BAIAP2: variants seen among roughly 807,000 people sequenced by gnomAD.
The protein encoded by BAIAP2 is BAR/IMD domain containing adaptor protein 2.
Under a neutral mutation model 63.0 loss-of-function variants are expected in BAIAP2, and 18 were observed. The ratio of observed to expected loss-of-function variants is 0.29; its 90% CI spans 0.20 to 0.42. The LOEUF is 0.42. BAIAP2 is among the 10% of genes least tolerant of loss of function. BAIAP2 has a pLI of 1.00. For synonymous variants in BAIAP2, 386 were observed against 307.6 expected, an observed-to-expected ratio of 1.25 and a Z score of -2.67; for missense variants, 610 against 734.3, an observed-to-expected ratio of 0.83 and a Z score of 1.96.
chr17:81,042,823 T>C (rs1012673012), intron 1 of BAIAP2, among the ~76,000 whole-genome samples: 6 of 152,154 alleles, frequency 3.9e-5, no homozygotes, highest in Non-Finnish European at 7.4e-5. Context: ...TCTGGGTGGA[T>C]GCTGCTAGTG....
At chr17:81,115,385 CTG>C (rs976206959) in intron 13 of BAIAP2, among the ~76,000 whole-genome samples, 13 of 152,210 alleles carry the variant, frequency 8.5e-5, no homozygotes, top group Non-Finnish European at 1.9e-4. Context: ...AGCCACCAAA[CTG>C]GTGTGTGCCC....
At chr17:81,101,932 G>C (rs1007129962) in intron 7 of BAIAP2, among the ~76,000 whole-genome samples, 1 of 152,248 alleles carries the variant, frequency 6.6e-6, no homozygotes, top group African/African-American at 2.4e-5. Context: ...GGGCGTCTGC[G>C]CCCTCTGGCG....
Position 81,103,687 on chromosome 17 carries a change from C to G in BAIAP2, c.828C>G (p.Pro276=). The change falls in exon 8 of 14, where the codon CCC becomes CCG. Residue 276 remains proline, a synonymous_variant. Transcript: ENST00000428708. ...VISDPIPGAK[P]LPVPPELAPF... ...CCGACCCCATTCCGGGGGCCAAGCC[C>G]CTGCCGGTGCCCCCCGAGCTGGCAC... The G allele has an allele frequency of 6.3e-7, 1 of 1,594,488 alleles. No homozygotes were observed. The highest frequency in any genetic ancestry group is 1.1e-5 in the South Asian group (1 of 90,494).
Position 81,100,044 on chromosome 17 carries a change from C to T in BAIAP2, c.606C>T (p.Cys202=), listed in dbSNP as rs752620110. The change falls in exon 7 of 14, where the codon TGC becomes TGT. Residue 202 remains cysteine, a synonymous_variant. Coordinates refer to ENST00000428708, the MANE Select transcript of BAIAP2 (RefSeq NM_001144888.2). ...RRFCFLVEKQ[C]AVAKNSAAYH... ...TCTGCTTCCTGGTGGAGAAGCAGTG[C>T]GCCGTGGCCAAGAACTCCGCGGCCT... The T allele has an allele frequency of 3.1e-6, 5 of 1,612,328 alleles. No homozygotes were observed. The highest frequency in any genetic ancestry group is 1.7e-5 in the Admixed American group (1 of 60,012).
At chr17:81,070,395 G>C (rs2052378797) in intron 3 of BAIAP2, among the ~76,000 whole-genome samples, 1 of 152,200 alleles carries the variant, frequency 6.6e-6, no homozygotes, top group African/African-American at 2.4e-5. Flanking sequence ...TGCTCTGCCG[G>C]GCAACCTTGG....
Position 81,058,046 on chromosome 17 carries a change from C to T in BAIAP2, c.217+79C>T, listed in dbSNP as rs374627210. On this transcript the variant is annotated intron_variant, in intron 3 of 13. Transcript: ENST00000428708. ...TCTGGGGCCCTGTCCTGTGTCCAGC[C>T]GCTTTTTGATTTGGGATCAGGTTTT... The T allele has an allele frequency of 2.3e-5, 27 of 1,150,306 alleles. No individual in the cohort carries two copies. The East Asian group carries it at 3.9e-4, about 17-fold the overall frequency. 71.3% of individuals were successfully genotyped at this position (1,150,306 alleles called of 1,614,324 possible).
rs1282908730 is a variant in BAIAP2, at chr17:81,046,765, G to A, written c.55-6903G>A. Reference sequence around the variant, plus strand: ...CTGTACATGTGGCCGGGGGTTTCCAGGCTTGGCTCTGTCCCGTGCGCCCTT... The same window carrying A: ...CTGTACATGTGGCCGGGGGTTTCCAAGCTTGGCTCTGTCCCGTGCGCCCTT... On this transcript the variant is annotated intron_variant, in intron 1 of 13. Transcript: ENST00000428708. The surrounding 1 kb of genome is among the most constrained non-coding windows in gnomAD (Gnocchi z 4.5). 6.6e-6 allele frequency among the ~76,000 whole-genome samples: 1 copy of A among 152,064 alleles called. No individual in the cohort carries two copies. The highest frequency in any genetic ancestry group is 1.5e-5 in the Non-Finnish European group (1 of 67,988).
intron 1 of BAIAP2, among the ~76,000 whole-genome samples, chr17:81,041,045 G>T (rs536518690): frequency 6.6e-6 from 1 of 152,228 alleles, no homozygotes; most frequent in Non-Finnish European, 1.5e-5. Flanking sequence ...GCACAGTGGC[G>T]CCCCCAGCAC....
rs756700120 is a variant in BAIAP2 at position 81,104,648 on chromosome 17, C to T, written c.1201C>T (p.Leu401Phe). The stretch of plus-strand genomic sequence containing the variant: ...CCTCCTGAGCTTCAAGGAGGGTGAC[C>T]TCATTACCCTGCTGGTGCCTGAGGC... ...STLLSFKEGDLITLLVPEARD... is the reference protein window; with the variant it reads ...STLLSFKEGDFITLLVPEARD... Residue 401 changes from leucine to phenylalanine, a missense_variant, in exon 10 of 14, where the codon CTC becomes TTC. By Grantham distance (22) the Leu-to-Phe change is conservative. This residue lies in a region of BAIAP2 where 67 missense variants were observed against 132.0 expected (regional missense o/e 0.51). Transcript: ENST00000428708. 5.0e-6 allele frequency: 8 copies of T among 1,609,542 alleles called. No individual in the cohort carries two copies. In the African/African-American group the frequency reaches 5.3e-5, roughly 11 times the overall value.
chr17:81,107,003 G>A (rs1013156210), intron 12 of BAIAP2, 96 bp downstream of exon 12: 153 of 1,383,004 alleles, frequency 1.1e-4, no homozygotes, highest in Non-Finnish European at 1.4e-4. Flanking sequence ...GGGGCGGGGC[G>A]CCTGGGGGTC....
chr17:81,072,566 C>T (rs1214958683), intron 3 of BAIAP2, among the ~76,000 whole-genome samples: 1 of 152,210 alleles, frequency 6.6e-6, no homozygotes. Flanking sequence ...TTCCTGAATT[C>T]CTGGCCCCTG....
intron 1 of BAIAP2, among the ~76,000 whole-genome samples, chr17:81,040,264 A>T (rs1598478442): frequency 1.3e-5 from 2 of 152,374 alleles, no homozygotes; most frequent in Non-Finnish European, 2.9e-5. Flanking sequence ...GTGGCTGCAC[A>T]GAGCCCGTGG....
intron 3 of BAIAP2, among the ~76,000 whole-genome samples, chr17:81,077,770 C>A (rs982414081): frequency 6.6e-6 from 1 of 151,602 alleles, no homozygotes; most frequent in Non-Finnish European, 1.5e-5. Context: ...GTGTGGGTAC[C>A]GTTTTGGGTG....
chr17:81,114,478 C>G (rs536036503), intron 13 of BAIAP2, among the ~76,000 whole-genome samples: 2 of 152,252 alleles, frequency 1.3e-5, no homozygotes, highest in East Asian at 1.9e-4. Flanking sequence ...CTGCACCGAT[C>G]AAAGCTGAAA....
chr17:81,043,770 T>G (rs936509840), intron 1 of BAIAP2, among the ~76,000 whole-genome samples: 1 of 152,194 alleles, frequency 6.6e-6, no homozygotes, highest in Non-Finnish European at 1.5e-5. Flanking sequence ...GCCCGTAAGC[T>G]GGAGTGGCTG....
intron 3 of BAIAP2, among the ~76,000 whole-genome samples, chr17:81,075,049 C>T (rs2053428880): frequency 6.6e-6 from 1 of 152,230 alleles, no homozygotes; most frequent in Non-Finnish European, 1.5e-5. Flanking sequence ...CTTCACCTTC[C>T]CACTGTGTTG....
chr17:81,051,217 G>T (rs148937677), intron 1 of BAIAP2, among the ~76,000 whole-genome samples: 2 of 151,456 alleles, frequency 1.3e-5, no homozygotes, highest in East Asian at 2.0e-4. Context: ...TGCGTGGTAC[G>T]TGCCTCTCTG....
At chr17:81,115,656 A>T (rs770359141) in intron 13 of BAIAP2, 114 bp from the exon 14 acceptor site, 6 of 1,253,262 alleles carry the variant, frequency 4.8e-6, no homozygotes, top group Non-Finnish European at 5.7e-6. Context: ...GTGCCCTGAG[A>T]TCGGACCGTA....
chr17:81,101,200 G>A (rs544962079), intron 7 of BAIAP2, among the ~76,000 whole-genome samples: 27 of 152,132 alleles, frequency 1.8e-4, no homozygotes, highest in Non-Finnish European at 3.4e-4. Context: ...GGGGAATCCC[G>A]CCCTGGGATC....
Sources: allele counts gnomAD v4.1 joint callset (sites outside exome capture counted in the v4.1 genomes callset), GRCh38; gene constraint gnomAD v4.1.1; regional missense constraint gnomAD v4.1.1; non-coding constraint Gnocchi (gnomAD v3.1); transcripts MANE v1.5; gene names NCBI Gene and HGNC (gene_info 2026-07-23, HGNC 2026-07-21).